The following CDH13 variants were observed in gnomAD, a reference collection of about 807,000 sequenced individuals.
CDH13 encodes the protein cadherin 13.
Under a neutral mutation model 63.8 loss-of-function variants are expected in CDH13, and 24 were observed. That is an observed-to-expected ratio of 0.38 (90% CI 0.27 to 0.53). CDH13 has a LOEUF of 0.53. Among genes scored for constraint, CDH13 ranks in the 20% least tolerant of loss-of-function variants. CDH13 has a pLI of 0.85. For synonymous variants in CDH13, 503 were observed against 355.3 expected, an observed-to-expected ratio of 1.42 and a Z score of -4.67; for missense variants, 1,049 against 903.1, an observed-to-expected ratio of 1.16 and a Z score of -2.07.
chr16:83,780,205 A>G lies in CDH13; in HGVS notation c.1915+4A>G. The G allele has an allele frequency of 6.4e-7, 1 of 1,563,470 alleles. No homozygotes were observed. The highest frequency in any genetic ancestry group is 8.7e-7 in the Non-Finnish European group (1 of 1,145,238). ...TGGAAGATCTCCAAGATCAACAGTA[A>G]GTCTGGCTAAAGCATTTCTGCCTAT... On this transcript the variant is annotated splice_donor_region_variant and intron_variant, in intron 12 of 13. Transcript: ENST00000567109.
In CDH13 at chr16:82,821,891, C is replaced by T. The variant is rs551626897; in HGVS notation, c.46-36471C>T. On this transcript the variant is annotated intron_variant, in intron 1 of 13. Coordinates refer to ENST00000567109, the MANE Select transcript of CDH13 (RefSeq NM_001257.5). ...GGAATGTATGGTCCCCTTGGACCAT[C>T]TATGCTTCCTAATCCTGGGGATTGC... Among the ~76,000 whole-genome samples the T allele has an allele frequency of 7.2e-5, 11 of 152,302 alleles. No individual in the cohort carries two copies. The South Asian group carries it at 1.7e-3, about 23-fold the overall frequency.
At chr16:82,668,198 C>T (rs1045612841) in intron 1 of CDH13, among the ~76,000 whole-genome samples, 1 of 152,132 alleles carries the variant, frequency 6.6e-6, no homozygotes, top group Non-Finnish European at 1.5e-5. Flanking sequence ...AACTACACCA[C>T]CAAACCCTGG....
intron 2 of CDH13, among the ~76,000 whole-genome samples, chr16:83,014,756 A>ATATATATATATATATGTG (rs1914539028): frequency 2.2e-5 from 1 of 46,222 alleles, no homozygotes; most frequent in African/African-American, 7.3e-5. Context: ...ATATATATAT[A>ATATATATATATATATGTG]TATATATATA....
At chr16:83,329,082 C>G (rs566034566) in intron 5 of CDH13, among the ~76,000 whole-genome samples, 16 of 152,192 alleles carry the variant, frequency 1.1e-4, no homozygotes, top group African/African-American at 3.9e-4. Context: ...AAGCACAAAT[C>G]TCTGGGCCAC....
At chr16:83,014,716 G>A (rs1914514071) in intron 2 of CDH13, among the ~76,000 whole-genome samples, 1 of 128,496 alleles carries the variant, frequency 7.8e-6, no homozygotes, top group African/African-American at 3.0e-5. Context: ...GGGCAACAGA[G>A]GGAGACTCCA....
chr16:83,036,073 C>A (rs772362858), intron 3 of CDH13, among the ~76,000 whole-genome samples: 1 of 151,106 alleles, frequency 6.6e-6, no homozygotes, highest in Non-Finnish European at 1.5e-5. Context: ...TTGCTCTGGA[C>A]ACTTAGCTAG....
chr16:82,859,814 A>G (rs2039861903), intron 2 of CDH13: 1 of 152,168 alleles, frequency 6.6e-6, no homozygotes, highest in East Asian at 1.9e-4. Flanking sequence ...GAACACAATA[A>G]TGAAGATGCA....
chr16:83,533,397 T>C (rs2075122546), intron 7 of CDH13, among the ~76,000 whole-genome samples: 1 of 152,138 alleles, frequency 6.6e-6, no homozygotes, highest in South Asian at 2.1e-4. Context: ...GGGAGGTGCC[T>C]CCCACACTCT....
rs73601929 is a variant in CDH13 at position 83,456,326 on chromosome 16, G to A, written c.782-30151G>A. ...CGACCTAGAGACAGGAAAGGGACTG[G>A]TTGAGCACAGTGAGGCCCCGTCTTA... On this transcript the variant is annotated intron_variant, in intron 6 of 13. Transcript: ENST00000567109. 9.3e-3 allele frequency among the ~76,000 whole-genome samples: 1,418 copies of A among 152,338 alleles called. 11 individuals carry two copies. The highest frequency in any genetic ancestry group is 0.032 in the African/African-American group (1,313 of 41,572).
chr16:83,078,993 C>T (rs1337633912), intron 3 of CDH13, among the ~76,000 whole-genome samples: 2 of 152,128 alleles, frequency 1.3e-5, no homozygotes, highest in Non-Finnish European at 2.9e-5. Context: ...CGGGGTTTCA[C>T]CATGTTGGCC....
At chr16:83,343,094 G>A (rs1434475689) in intron 5 of CDH13, among the ~76,000 whole-genome samples, 7 of 151,864 alleles carry the variant, frequency 4.6e-5, no homozygotes, top group African/African-American at 9.7e-5. Context: ...CTTATTACAT[G>A]CATTATTTTA....
intron 4 of CDH13, among the ~76,000 whole-genome samples, chr16:83,189,830 G>A (rs62037383): frequency 0.011 from 1,674 of 152,278 alleles, 10 homozygotes; most frequent in Non-Finnish European, 0.015. Context: ...CGTCACGGGA[G>A]GGACCCAATG....
chr16:83,001,930 C>G (rs1033505325), intron 2 of CDH13, among the ~76,000 whole-genome samples: 6 of 152,142 alleles, frequency 3.9e-5, no homozygotes, highest in African/African-American at 1.2e-4. Flanking sequence ...AACATCATAT[C>G]ATAGAAAAGG....
rs2031161219 is a variant in CDH13, at chr16:82,702,843, G to A, written c.45+75706G>A. Among the ~76,000 whole-genome samples, 3 of 152,278 alleles carry A rather than the reference G, an allele frequency of 2.0e-5. No homozygotes were observed. In the South Asian group the frequency reaches 6.2e-4, roughly 32 times the overall value. On this transcript the variant is annotated intron_variant, in intron 1 of 13. Coordinates refer to ENST00000567109, the MANE Select transcript of CDH13 (RefSeq NM_001257.5). ...CTGGTGCCTCATCAGGCACAGCTTA[G>A]TGTGAGCTTCACCTTTGTCTCTAGA...
intron 1 of CDH13, among the ~76,000 whole-genome samples, chr16:82,829,943 A>G (rs1381563819): frequency 6.6e-6 from 1 of 152,240 alleles, no homozygotes; most frequent in Non-Finnish European, 1.5e-5. Flanking sequence ...AATTGTTAGG[A>G]AAATAGTAAT....
In CDH13 at chr16:83,592,331, G is replaced by A. The variant is rs190131163; in HGVS notation, c.961-10123G>A. Among the ~76,000 whole-genome samples the A allele has an allele frequency of 8.1e-4, 123 of 152,170 alleles. 1 individual carries two copies. The highest frequency in any genetic ancestry group is 2.5e-3 in the African/African-American group (103 of 41,512). ...TAACACTTATCTCATCTGACCTTAC[G>A]TACTTGCCTTTTGTTCATCTCTCTG... is the stretch of plus-strand genomic sequence containing the variant. On this transcript the variant is annotated intron_variant, in intron 7 of 13. Coordinates refer to ENST00000567109, the MANE Select transcript of CDH13 (RefSeq NM_001257.5).
intron 7 of CDH13, among the ~76,000 whole-genome samples, chr16:83,529,451 A>G (rs2075035023): frequency 6.6e-6 from 1 of 152,226 alleles, no homozygotes; most frequent in South Asian, 2.1e-4. Flanking sequence ...CATTCACACT[A>G]CACTGTACTA....
At chr16:83,420,561 G>A (rs910733184) in intron 6 of CDH13, among the ~76,000 whole-genome samples, 1 of 152,260 alleles carries the variant, frequency 6.6e-6, no homozygotes, top group South Asian at 2.1e-4. Flanking sequence ...TTTACGTACC[G>A]ATTAAATTAC....
intron 2 of CDH13, among the ~76,000 whole-genome samples, chr16:83,007,932 A>C (rs4783306): frequency 0.38 from 57,193 of 151,942 alleles, 10,951 homozygotes; most frequent in Middle Eastern, 0.43. Context: ...ACATTAAGTC[A>C]GGTTATATTT....
Sources: gnomAD v4.1 joint callset for allele counts (sites outside exome capture counted in the v4.1 genomes callset) on GRCh38, gnomAD v4.1.1 for gene constraint, MANE v1.5 for transcripts, NCBI Gene and HGNC (gene_info 2026-07-23, HGNC 2026-07-21) for gene names.